SPATA13: variants seen among roughly 807,000 people sequenced by gnomAD.
SPATA13 encodes spermatogenesis-associated protein 13.
A neutral mutation model predicts 104.0 loss-of-function variants in SPATA13; 50 were observed. That is an observed-to-expected ratio of 0.48 (90% CI 0.38 to 0.61). The LOEUF (loss-of-function observed/expected upper bound fraction) is 0.61. SPATA13 is among the 20% of genes least tolerant of loss of function. The pLI, the probability that SPATA13 is intolerant of heterozygous loss-of-function variation, is 0.00. For missense variants in SPATA13, 1,524 were observed against 1,690.6 expected (o/e 0.90, Z 1.73); for synonymous variants, 606 against 667.5 (o/e 0.91, Z 1.42).
chr13:23,994,474 G>A lies in SPATA13; in HGVS notation c.-147+10541G>A, dbSNP rs1189697793. 1.3e-5 allele frequency among the ~76,000 whole-genome samples: 2 copies of A among 152,220 alleles called. 1 individual carries two copies. Among genetic ancestry groups the A allele is most frequent in the Non-Finnish European group, 2.9e-5 (2 of 68,044 alleles). ...AGAACTTTCTGTTAGAATAGAAGCA[G>A]AGGTGTTGGGGAGGAGGTTCGTGTG... is the stretch of plus-strand genomic sequence containing the variant. On this transcript the variant is annotated intron_variant, in intron 2 of 14. Transcript: ENST00000424834.
At chr13:24,283,596 G>A (rs1375469346) in intron 4 of SPATA13, among the ~76,000 whole-genome samples, 1 of 152,220 alleles carries the variant, frequency 6.6e-6, no homozygotes, top group Non-Finnish European at 1.5e-5. Context: ...TCTGGTAAAA[G>A]TACTATATAA....
At position 24,297,587 on chromosome 13, in the gene SPATA13, C is replaced by A. The variant is rs1468964478; in HGVS notation, c.3435C>A (p.Cys1145Ter). Reference sequence around the variant, plus strand: ...TGGGGGATGGGCGCGACAAGGACTGCAACCTCAGCGTGAAAAATGCCTTCA... The same window carrying A: ...TGGGGGATGGGCGCGACAAGGACTGAAACCTCAGCGTGAAAAATGCCTTCA... ...VDLGDGRDKDCNLSVKNAFKL... is the reference protein window; with the variant it reads ...VDLGDGRDKD Residue 1145 changes from cysteine (C) to a stop codon, truncating the protein, a stop_gained, in exon 11 of 13, where the codon TGC (cysteine) becomes TGA (stop). Coordinates refer to ENST00000382108, the MANE Select transcript of SPATA13 (RefSeq NM_001166271.3). LOFTEE classifies it high-confidence loss of function. The A allele has an allele frequency of 6.2e-7, 1 of 1,614,212 alleles. No homozygotes were observed. The highest frequency in any genetic ancestry group is 1.3e-5 in the African/African-American group (1 of 75,056).
intron 3 of SPATA13, among the ~76,000 whole-genome samples, chr13:24,085,073 C>T (rs1980696): frequency 0.77 from 117,705 of 151,946 alleles, 46,419 homozygotes; most frequent in East Asian, 1. Flanking sequence ...GCCTTCGTGG[C>T]GATGTTGATC....
intron 3 of SPATA13, chr13:24,034,170 G>A (rs1877594201): frequency 6.6e-6 from 1 of 152,138 alleles, no homozygotes; most frequent in Admixed American, 6.5e-5. Context: ...ATGATGATGG[G>A]GAATTCCTGG....
At chr13:24,034,555 T>C (rs1469465599) in intron 3 of SPATA13, 5 of 152,224 alleles carry the variant, frequency 3.3e-5, no homozygotes, top group African/African-American at 1.2e-4. Context: ...CAGACAACGC[T>C]TAATAGTTTA....
chr13:24,132,254 C>A (rs1436841520), intron 3 of SPATA13, among the ~76,000 whole-genome samples: 1 of 152,234 alleles, frequency 6.6e-6, no homozygotes, highest in Non-Finnish European at 1.5e-5. Flanking sequence ...AGCTGCCATG[C>A]AGCCTTGAAT....
upstream of SPATA13, among the ~76,000 whole-genome samples, chr13:24,156,893 G>A (rs1387735727): frequency 6.6e-6 from 1 of 152,174 alleles, no homozygotes; most frequent in East Asian, 1.9e-4. Context: ...ATGTGCCAGA[G>A]GCATCTGTGG....
At chr13:24,153,180 A>G (rs1166854361) in intron 3 of SPATA13, among the ~76,000 whole-genome samples, 1 of 152,228 alleles carries the variant, frequency 6.6e-6, no homozygotes, top group Non-Finnish European at 1.5e-5. Context: ...ATACAGACAC[A>G]TTAGCTGCCT....
chr13:24,087,781 G>A (rs1015862082), intron 3 of SPATA13, among the ~76,000 whole-genome samples: 16 of 152,290 alleles, frequency 1.1e-4, no homozygotes, highest in East Asian at 3.9e-4. Flanking sequence ...CAGGAAGCCC[G>A]TGTTCTGGGT....
At chr13:24,109,060 C>T (rs1359778799) in intron 3 of SPATA13, among the ~76,000 whole-genome samples, 1 of 152,076 alleles carries the variant, frequency 6.6e-6, no homozygotes, top group Admixed American at 6.6e-5. Context: ...TTTGCTGCAG[C>T]CATTAACTCA....
Position 24,171,301 on chromosome 13 carries a change from A to G in SPATA13, c.-112+10369A>G, listed in dbSNP as rs76156318. Among the ~76,000 whole-genome samples the G allele has an allele frequency of 9.3e-3, 1,417 of 152,256 alleles. 7 individuals are homozygous for G. Among genetic ancestry groups the G allele is most frequent in the Middle Eastern group, 0.017 (5 of 294 alleles). Reference sequence around the variant, plus strand: ...GTCATTTTTCAAGAGACGAAGGAAGATGGTGAAGTCGTGACCCTTGTCTCA... The same window carrying G: ...GTCATTTTTCAAGAGACGAAGGAAGGTGGTGAAGTCGTGACCCTTGTCTCA... On this transcript the variant is annotated intron_variant, in intron 1 of 12. Coordinates refer to ENST00000382108, the MANE Select transcript of SPATA13 (RefSeq NM_001166271.3).
Position 24,019,090 on chromosome 13 carries a change from A to C in SPATA13, c.-112+1389A>C, listed in dbSNP as rs796083947. 1.1e-3 allele frequency among the ~76,000 whole-genome samples: 153 copies of C among 138,436 alleles called. 1 individual carries two copies. The highest frequency in any genetic ancestry group is 2.3e-3 in the African/African-American group (90 of 38,398). 90.8% of individuals were successfully genotyped at this position (138,436 alleles called of 152,430 possible). A position where few individuals can be genotyped will look rare whatever the true frequency, so the allele number is the denominator to read the frequency against. ...TTATATGATTCTTATTATTATTATT[A>C]TTATTTTTTTTTTTTTGAGACGGAG... On this transcript the variant is annotated intron_variant, in intron 3 of 14. Coordinates refer to the SPATA13 transcript ENST00000424834.
rs1177921955 is a variant in SPATA13, at chr13:24,305,901, T to C, written c.*3128T>C. ...ATTATAAAATCATAAAATTGAATGT[T>C]TGCAGAATCCTGGAGCAGTAGATTT... is the stretch of plus-strand genomic sequence containing the variant. On this transcript the variant is annotated 3_prime_UTR_variant, in exon 13 of 13. Transcript: ENST00000382108. 6.6e-6 allele frequency: 1 copy of C among 152,248 alleles called. No homozygotes were observed. Among genetic ancestry groups the C allele is most frequent in the Non-Finnish European group, 1.5e-5 (1 of 68,046 alleles). The allele number at this position is 152,248 out of a possible 1,614,324, so 9.4% of individuals were successfully genotyped here.
intron 3 of SPATA13, among the ~76,000 whole-genome samples, chr13:24,021,933 G>A (rs1876992039): frequency 6.6e-6 from 1 of 151,950 alleles, no homozygotes; most frequent in Non-Finnish European, 1.5e-5. Flanking sequence ...GGATGGTCTC[G>A]ATCTCCTGAC....
At chr13:24,257,487 G>T (rs1174693610) in intron 4 of SPATA13, among the ~76,000 whole-genome samples, 1 of 152,160 alleles carries the variant, frequency 6.6e-6, no homozygotes, top group Non-Finnish European at 1.5e-5. Context: ...TACAATAATA[G>T]CTAGATATAA....
rs934757532 is a variant in SPATA13, at chr13:24,217,649, G to A, written c.-111-5170G>A. Among the ~76,000 whole-genome samples the A allele has an allele frequency of 2.6e-5, 4 of 152,308 alleles. No homozygotes were observed. In the East Asian group the frequency reaches 7.7e-4, roughly 29 times the overall value. ...TTTCAAACAGAGAATCTAATACAGG[G>A]GTTATTTTTATACAGCTGAGAAACA... On this transcript the variant is annotated intron_variant, in intron 1 of 12. Coordinates refer to ENST00000382108, the MANE Select transcript of SPATA13 (RefSeq NM_001166271.3).
intron 4 of SPATA13, among the ~76,000 whole-genome samples, chr13:24,263,815 A>G (rs1013655172): frequency 2.6e-5 from 4 of 152,254 alleles, no homozygotes; most frequent in African/African-American, 9.6e-5. Context: ...GAATCAATTC[A>G]CTTATCAGTA....
At chr13:24,066,203 T>A (rs1878957326) in intron 3 of SPATA13, among the ~76,000 whole-genome samples, 1 of 152,082 alleles carries the variant, frequency 6.6e-6, no homozygotes, top group South Asian at 2.1e-4. Context: ...GGTGAGGAAA[T>A]CCATCTGCTC....
chr13:24,057,546 C>T (rs900034381), intron 3 of SPATA13, among the ~76,000 whole-genome samples: 2 of 152,126 alleles, frequency 1.3e-5, no homozygotes, highest in African/African-American at 4.8e-5. Context: ...TGACCAAAGG[C>T]ACTGAAAGGA....
Sources: gnomAD v4.1 joint callset for allele counts (sites outside exome capture counted in the v4.1 genomes callset) on GRCh38, gnomAD v4.1.1 for gene constraint, MANE v1.5 for transcripts, NCBI Gene and HGNC (gene_info 2026-07-23, HGNC 2026-07-21) for gene names.